The following FRAS1 variants were observed in gnomAD, a reference collection of about 807,000 sequenced individuals.
FRAS1 encodes Fraser extracellular matrix complex subunit 1, also known as extracellular matrix organizing protein FRAS1.
FRAS1 carries 290 observed loss-of-function variants against 435.2 expected under a neutral mutation model. The ratio of observed to expected loss-of-function variants is 0.67; its 90% confidence interval spans 0.61 to 0.73. The LOEUF is 0.73. FRAS1 is among the 30% of genes least tolerant of loss of function. The pLI is 0.00. For synonymous variants in FRAS1, 1,800 were observed against 1,851.0 expected (o/e 0.97, Z 0.71); for missense variants, 4,860 against 5,001.5 (o/e 0.97, Z 0.85).
At chr4:78,108,671 A>G (rs1305903431) in intron 2 of FRAS1, among the ~76,000 whole-genome samples, 8 of 71,804 alleles carry the variant, frequency 1.1e-4, no homozygotes, top group Admixed American at 1.7e-4. Context: ...TTGACACCCT[A>G]ACATCACAAT....
intron 38 of FRAS1, among the ~76,000 whole-genome samples, chr4:78,432,995 C>T (rs1734273220): frequency 6.6e-6 from 1 of 152,124 alleles, no homozygotes; most frequent in Non-Finnish European, 1.5e-5. Flanking sequence ...GTTTCACAGC[C>T]CCTGAGAGAA....
intron 60 of FRAS1, among the ~76,000 whole-genome samples, chr4:78,497,875 T>A (rs574861039): frequency 1.6e-4 from 25 of 152,300 alleles, no homozygotes; most frequent in Middle Eastern, 3.4e-3. Flanking sequence ...AATTAGTCCT[T>A]GACCCCAGGA....
At chr4:78,501,209 G>A (rs916479620) in intron 61 of FRAS1, among the ~76,000 whole-genome samples, 7 of 152,122 alleles carry the variant, frequency 4.6e-5, no homozygotes, top group Admixed American at 2.6e-4. Flanking sequence ...GAGTGAGGAC[G>A]TGCAATGTTT....
intron 2 of FRAS1, among the ~76,000 whole-genome samples, chr4:78,115,518 A>G (rs1175254888): frequency 4.6e-5 from 7 of 151,988 alleles, no homozygotes; most frequent in East Asian, 1.9e-4. Context: ...CCTGTTATTG[A>G]TCTATTCAGA....
At chr4:78,261,618 A>G (rs4859918) in intron 6 of FRAS1, among the ~76,000 whole-genome samples, 51,400 of 151,842 alleles carry the variant, frequency 0.34, 9,055 homozygotes, top group South Asian at 0.59. Flanking sequence ...CCTTACACCC[A>G]TACAAAAGAA....
At chr4:78,307,527 T>C (rs577155296) in intron 14 of FRAS1, among the ~76,000 whole-genome samples, 8 of 152,352 alleles carry the variant, frequency 5.3e-5, no homozygotes, top group Admixed American at 2.0e-4. Context: ...CGTAGGACTC[T>C]CCGAGCCAGG....
At chr4:78,528,406 G>T (rs1721608397) in intron 70 of FRAS1, among the ~76,000 whole-genome samples, 1 of 152,184 alleles carries the variant, frequency 6.6e-6, no homozygotes, top group Non-Finnish European at 1.5e-5. Context: ...TGCCTTTGTA[G>T]TTCCTCCTTC....
intron 22 of FRAS1, among the ~76,000 whole-genome samples, chr4:78,365,714 G>C (rs897030494): frequency 2.0e-5 from 3 of 148,440 alleles, no homozygotes; most frequent in African/African-American, 7.5e-5. Context: ...TCCTAAGTTG[G>C]GATATTTGAG....
At chr4:78,358,704 T>C (rs1336532033) in intron 20 of FRAS1, among the ~76,000 whole-genome samples, 3 of 152,194 alleles carry the variant, frequency 2.0e-5, no homozygotes, top group Non-Finnish European at 4.4e-5. Flanking sequence ...TAATCTGAGA[T>C]GCAGACAAAG....
intron 32 of FRAS1, 114 bp from the exon 33 acceptor site, chr4:78,418,835 G>C (rs1224195501): frequency 3.3e-6 from 2 of 605,252 alleles, no homozygotes; most frequent in East Asian, 5.9e-5. Context: ...ATTTGACTAA[G>C]TGTGACTAAT....
At chr4:78,318,678 T>C in intron 17 of FRAS1, 132 bp from the exon 18 acceptor site, 2 of 854,284 alleles carry the variant, frequency 2.3e-6, no homozygotes, top group East Asian at 2.7e-5. Context: ...GTGCTTTGTA[T>C]AGAACATTAG....
intron 2 of FRAS1, among the ~76,000 whole-genome samples, chr4:78,136,362 T>G (rs984780227): frequency 3.3e-5 from 5 of 152,224 alleles, no homozygotes; most frequent in Non-Finnish European, 7.3e-5. Flanking sequence ...GCTCTGTGCA[T>G]GTCCATCAAT....
intron 58 of FRAS1, among the ~76,000 whole-genome samples, chr4:78,483,893 G>A (rs893095348): frequency 1.3e-5 from 2 of 150,764 alleles, no homozygotes; most frequent in South Asian, 2.1e-4. Flanking sequence ...TTAGAGCCAG[G>A]TTTATGAAGG....
Position 78,170,139 on chromosome 4 carries a change from TTC to T in FRAS1, c.109-67369_109-67368del, listed in dbSNP as rs371834481. On this transcript the variant is annotated intron_variant, in intron 2 of 73. Transcript: ENST00000512123. The stretch of plus-strand genomic sequence containing the variant: ...GATCCCTCAATTGGGTCTCCTGTTA[TTC>T]TGTTTTTAAAGCAACTAATTCGTTT... Among the ~76,000 whole-genome samples, 728 of 152,280 alleles carry T rather than the reference TTC, an allele frequency of 4.8e-3. 4 individuals carry two copies. Among genetic ancestry groups the T allele is most frequent in the African/African-American group, 0.017 (693 of 41,582 alleles).
intron 41 of FRAS1, among the ~76,000 whole-genome samples, chr4:78,445,262 T>C (rs561018059): frequency 6.6e-6 from 1 of 152,262 alleles, no homozygotes; most frequent in South Asian, 2.1e-4. Flanking sequence ...ATTGTAAGTT[T>C]TTTTGCATAT....
chr4:78,508,669 G>A (rs1179713522), intron 62 of FRAS1, 62 bp from the exon 63 acceptor site: 2 of 1,563,202 alleles, frequency 1.3e-6, no homozygotes, highest in Non-Finnish European at 1.7e-6. Flanking sequence ...AAAGAAAGGG[G>A]GCTTAGTTCT....
chr4:78,535,862 TC>T (rs958552766), intron 71 of FRAS1, among the ~76,000 whole-genome samples: 1 of 152,142 alleles, frequency 6.6e-6, no homozygotes, highest in Non-Finnish European at 1.5e-5. Context: ...TTTGTCTATG[TC>T]CCCAGGAGCC....
At chr4:78,460,534 G>C (rs141863987) in intron 47 of FRAS1, among the ~76,000 whole-genome samples, 71 of 152,332 alleles carry the variant, frequency 4.7e-4, no homozygotes, top group Admixed American at 9.2e-4. Context: ...ATAAAAAGTG[G>C]ATGATGATTG....
At chr4:78,142,533 A>C (rs1720237968) in intron 2 of FRAS1, among the ~76,000 whole-genome samples, 1 of 152,136 alleles carries the variant, frequency 6.6e-6, no homozygotes, top group East Asian at 1.9e-4. Flanking sequence ...TAATGAACGG[A>C]GTTATCAGAT....
Sources: gnomAD v4.1 joint callset for allele counts (sites outside exome capture counted in the v4.1 genomes callset) on GRCh38, gnomAD v4.1.1 for gene constraint, MANE v1.5 for transcripts, NCBI Gene and HGNC (gene_info 2026-07-23, HGNC 2026-07-21) for gene names.